Variants in MRTFB observed in about 807,000 individuals in gnomAD.
The protein encoded by MRTFB is myocardin-related transcription factor B.
In MRTFB, 29 loss-of-function variants were observed where a neutral mutation model predicts 104.2. The ratio of observed to expected loss-of-function variants is 0.28; its 90% confidence interval spans 0.21 to 0.38. The LOEUF (loss-of-function observed/expected upper bound fraction) is 0.38. Ranked by LOEUF, MRTFB falls within the 10% of genes least tolerant of loss-of-function variation. MRTFB has a pLI of 1.00. For synonymous variants in MRTFB, 535 were observed against 519.5 expected (o/e 1.03, Z -0.41); for missense variants, 1,270 against 1,341.6 (o/e 0.95, Z 0.83).
chr16:14,048,423 C>T, the MRTFB span, among the ~76,000 whole-genome samples: 2 of 152,174 alleles, frequency 1.3e-5, no homozygotes, highest in African/African-American at 4.8e-5. Flanking sequence ...CAGAGTATTC[C>T]ATACAGAGGA....
At chr16:14,058,157 G>A in the MRTFB span, among the ~76,000 whole-genome samples, 2 of 152,174 alleles carry the variant, frequency 1.3e-5, no homozygotes, top group African/African-American at 2.4e-5. Flanking sequence ...GCAGCTTCCC[G>A]GGGGTGCCAG....
intron 3 of MRTFB, among the ~76,000 whole-genome samples, chr16:14,174,223 A>G (rs2039510553): frequency 6.6e-6 from 1 of 152,156 alleles, no homozygotes; most frequent in African/African-American, 2.4e-5. Flanking sequence ...TATCTACATC[A>G]TCTGTCTTGT....
chr16:14,041,959 G>A, the MRTFB span, among the ~76,000 whole-genome samples: 1 of 152,084 alleles, frequency 6.6e-6, no homozygotes, highest in African/African-American at 2.4e-5. Flanking sequence ...GTTCTTTGGG[G>A]TATATATCCA....
At chr16:14,032,135 G>A in the MRTFB span, among the ~76,000 whole-genome samples, 1 of 152,186 alleles carries the variant, frequency 6.6e-6, no homozygotes, top group Non-Finnish European at 1.5e-5. Context: ...AAAGGCTACA[G>A]ACTAGGAGAC....
intron 2 of MRTFB, among the ~76,000 whole-genome samples, chr16:14,113,873 G>A (rs1455065935): frequency 1.3e-5 from 2 of 152,072 alleles, no homozygotes; most frequent in African/African-American, 4.8e-5. Context: ...GGTACATTTA[G>A]TTAAATGTAA....
intron 3 of MRTFB, among the ~76,000 whole-genome samples, chr16:14,160,579 A>G (rs1160738051): frequency 6.6e-6 from 1 of 152,112 alleles, no homozygotes; most frequent in African/African-American, 2.4e-5. Flanking sequence ...ACCTCCTTTC[A>G]TCTGTGATTT....
chr16:14,130,171 T>G (rs146069865), intron 2 of MRTFB, among the ~76,000 whole-genome samples: 1 of 152,174 alleles, frequency 6.6e-6, no homozygotes, highest in Non-Finnish European at 1.5e-5. Context: ...ATTTTTAAAT[T>G]GGGGTTTTTA....
chr16:14,171,138 G>A (rs997374073), intron 3 of MRTFB, among the ~76,000 whole-genome samples: 1 of 152,092 alleles, frequency 6.6e-6, no homozygotes, highest in African/African-American at 2.4e-5. Flanking sequence ...AATGTTCTAG[G>A]CTCAACTGGA....
chr16:14,138,288 C>G (rs2037825129), intron 2 of MRTFB, among the ~76,000 whole-genome samples: 1 of 151,950 alleles, frequency 6.6e-6, no homozygotes, highest in South Asian at 2.1e-4. Context: ...AGAAGAAAAG[C>G]TAGTCTTTAG....
the MRTFB span, among the ~76,000 whole-genome samples, chr16:14,041,883 G>A: frequency 5.3e-5 from 8 of 151,914 alleles, no homozygotes; most frequent in African/African-American, 1.7e-4. Context: ...CCAAGATTGC[G>A]CCATTGCACT....
chr16:14,149,931 C>T (rs1045607616), intron 3 of MRTFB, among the ~76,000 whole-genome samples: 12 of 152,100 alleles, frequency 7.9e-5, no homozygotes, highest in Non-Finnish European at 1.5e-5. Flanking sequence ...CCCTCAAAGC[C>T]GTGGTTGGAA....
At chr16:13,997,578 TGAGCCCAGGG>T in the MRTFB span, among the ~76,000 whole-genome samples, 4 of 151,780 alleles carry the variant, frequency 2.6e-5, no homozygotes, top group South Asian at 6.2e-4. Context: ...GAGGATTACT[TGAGCCCAGGG>T]GTTCAAACCA....
the MRTFB span, among the ~76,000 whole-genome samples, chr16:14,004,953 C>T: frequency 6.6e-6 from 1 of 152,242 alleles, no homozygotes; most frequent in Non-Finnish European, 1.5e-5. Context: ...GGCTGGGCTG[C>T]AATCAGCAGG....
At chr16:14,146,113 CTGTT>C (rs1048699052) in intron 3 of MRTFB, among the ~76,000 whole-genome samples, 1 of 152,160 alleles carries the variant, frequency 6.6e-6, no homozygotes. Context: ...TTTTTAAAAA[CTGTT>C]TGGTATTTTA....
chr16:14,122,243 T>C, intron 2 of MRTFB, among the ~76,000 whole-genome samples: 1 of 96,834 alleles, frequency 1.0e-5, no homozygotes, highest in East Asian at 3.8e-4. Context: ...GATCTGTTTT[T>C]TTTTTTTCAA....
At chr16:14,212,514 G>A in intron 5 of MRTFB, 105 bp downstream of exon 5, 2 of 991,552 alleles carry the variant, frequency 2.0e-6, no homozygotes, top group South Asian at 1.5e-5. Flanking sequence ...TGTCAATAGA[G>A]AAAAAATAGT....
intron 2 of MRTFB, among the ~76,000 whole-genome samples, chr16:14,130,406 A>G (rs955339050): frequency 6.6e-6 from 1 of 152,166 alleles, no homozygotes; most frequent in Non-Finnish European, 1.5e-5. Flanking sequence ...GCTACCTGCA[A>G]TTTCATTTTG....
At chr16:14,197,264 G>A (rs1038419452) in intron 3 of MRTFB, among the ~76,000 whole-genome samples, 8 of 152,092 alleles carry the variant, frequency 5.3e-5, no homozygotes, top group African/African-American at 1.9e-4. Context: ...GTGAGCCATC[G>A]TGCCTGGCCA....
At position 14,246,840 on chromosome 16, in the gene MRTFB, C is replaced by G. The variant is rs558985104; in HGVS notation, c.1580C>G (p.Thr527Ser). Reference sequence around the variant, plus strand: ...GACACAAACATGGCAGACACTTTCACCGAGATTATGACCATGATGTCGCCT... The same window carrying G: ...GACACAAACATGGCAGACACTTTCAGCGAGATTATGACCATGATGTCGCCT... ...TDDTNMADTF[T>S]EIMTMMSPSQ... Residue 527 changes from threonine to serine, a missense_variant, in exon 12 of 17, where the codon ACC becomes AGC. Thr to Ser is a moderately conservative substitution (Grantham distance 58). Coordinates refer to ENST00000571589, the MANE Select transcript of MRTFB (RefSeq NM_001308142.2). 2.5e-6 allele frequency: 4 copies of G among 1,612,686 alleles called. No homozygotes were observed. The East Asian group carries it at 8.9e-5, about 36-fold the overall frequency.
Sources: allele counts gnomAD v4.1 joint callset (sites outside exome capture counted in the v4.1 genomes callset), GRCh38; gene constraint gnomAD v4.1.1; transcripts MANE v1.5; gene names NCBI Gene and HGNC (gene_info 2026-07-23, HGNC 2026-07-21).